Variants in KHDC1 observed in about 807,000 individuals in gnomAD.
KHDC1 encodes KH domain containing 1.
In KHDC1, 21 loss-of-function variants were observed where a neutral mutation model predicts 24.7. The ratio of observed to expected loss-of-function variants is 0.85; its 90% confidence interval spans 0.60 to 1.23. The LOEUF (loss-of-function observed/expected upper bound fraction) is 1.23, where lower values mean the gene tolerates loss of function less well. Among genes scored for constraint, KHDC1 ranks in the 50% most tolerant of loss-of-function variants. The probability of loss-of-function intolerance (pLI) is 0.00; values close to 1 mark genes in which losing one functional copy is unlikely to be tolerated. For synonymous variants in KHDC1, 98 were observed against 111.7 expected, an observed-to-expected ratio of 0.88 and a Z score of 0.77; for missense variants, 274 against 298.5, an observed-to-expected ratio of 0.92 and a Z score of 0.61.
At chr6:73,252,040 CTTT>C (rs112248383) in intron 2 of KHDC1, among the ~76,000 whole-genome samples, 2 of 132,740 alleles carry the variant, frequency 1.5e-5, no homozygotes, top group African/African-American at 5.5e-5. Context: ...TAAATCATAT[CTTT>C]TTTTTTTTTT....
intron 2 of KHDC1, among the ~76,000 whole-genome samples, chr6:73,245,995 G>A (rs765276916): frequency 6.6e-6 from 1 of 152,142 alleles, no homozygotes; most frequent in Admixed American, 6.5e-5. Flanking sequence ...CCGGGTTATT[G>A]GACTTTGAAT....
rs182066059 is a variant in KHDC1, at chr6:73,292,275, G to A, written c.164-235C>T. The A allele has an allele frequency of 5.5e-4, 695 of 1,258,368 alleles. 3 individuals carry two copies. The highest frequency in any genetic ancestry group is 2.3e-3 in the African/African-American group (155 of 68,156). 78.0% of individuals were successfully genotyped at this position (1,258,368 alleles called of 1,614,324 possible). A position where few individuals can be genotyped will look rare whatever the true frequency, so the allele number is the denominator to read the frequency against. On this transcript the variant is annotated intron_variant, in intron 1 of 4. Transcript: ENST00000370384. ...GATCCAGAAACGACAAGGCAAATGC[G>A]GTCAACCAGGGATGGTAGGATGCTC...
At chr6:73,266,542 A>G (rs2150581997) in intron 2 of KHDC1, among the ~76,000 whole-genome samples, 1 of 152,338 alleles carries the variant, frequency 6.6e-6, no homozygotes, top group Middle Eastern at 3.4e-3. Context: ...CAGTCTTTTC[A>G]AAAAATGGTA....
chr6:73,253,304 C>T (rs1022261140), intron 2 of KHDC1, among the ~76,000 whole-genome samples: 3 of 152,034 alleles, frequency 2.0e-5, no homozygotes, highest in Non-Finnish European at 2.9e-5. Context: ...GCCTGTAATC[C>T]CAGCACTTTG....
At chr6:73,285,425 G>A (rs1306849104) in intron 2 of KHDC1, among the ~76,000 whole-genome samples, 2 of 151,522 alleles carry the variant, frequency 1.3e-5, no homozygotes, top group Non-Finnish European at 2.9e-5. Context: ...TCTGCCTCCC[G>A]GGTTCAAGCA....
intron 2 of KHDC1, among the ~76,000 whole-genome samples, chr6:73,283,490 C>G (rs1468266412): frequency 6.6e-6 from 1 of 152,022 alleles, no homozygotes; most frequent in Non-Finnish European, 1.5e-5. Flanking sequence ...ATGCAAGTCT[C>G]AACTCCCGAC....
intron 1 of KHDC1, chr6:73,299,258 G>T (rs16883555): frequency 4.6e-5 from 7 of 152,406 alleles, no homozygotes; most frequent in Admixed American, 3.9e-4. Flanking sequence ...TTCAGGAGAA[G>T]AATCCCTGGC....
At chr6:73,263,370 G>T in intron 2 of KHDC1, 174 bp from the exon 1 acceptor site, 1 of 797,640 alleles carries the variant, frequency 1.3e-6, no homozygotes, top group Non-Finnish European at 1.5e-6. Context: ...CAGTGGCAAT[G>T]ACCCAGACCC....
intron 2 of KHDC1, among the ~76,000 whole-genome samples, chr6:73,249,239 C>T (rs1766732406): frequency 6.6e-6 from 1 of 151,996 alleles, no homozygotes; most frequent in Non-Finnish European, 1.5e-5. Context: ...TATGATCATG[C>T]CATTGCACTC....
intron 2 of KHDC1, among the ~76,000 whole-genome samples, chr6:73,254,750 C>T (rs1184513800): frequency 6.6e-6 from 1 of 152,006 alleles, no homozygotes; most frequent in Non-Finnish European, 1.5e-5. Context: ...TGCCTGTAAT[C>T]CCGGCACTTT....
chr6:73,247,083 T>A (rs1766681931), intron 2 of KHDC1, among the ~76,000 whole-genome samples: 1 of 152,018 alleles, frequency 6.6e-6, no homozygotes, highest in South Asian at 2.1e-4. Context: ...GTTCAAGCAA[T>A]TCTCCTGCCT....
chr6:73,276,218 G>A (rs1767295280), intron 2 of KHDC1: 2 of 152,002 alleles, frequency 1.3e-5, no homozygotes, highest in South Asian at 2.1e-4. Flanking sequence ...CTGGTGTGGC[G>A]GCTCAGGCCT....
chr6:73,288,791 A>G (rs1767568629), intron 2 of KHDC1, among the ~76,000 whole-genome samples: 1 of 127,518 alleles, frequency 7.8e-6, no homozygotes, highest in Non-Finnish European at 1.7e-5. Context: ...TAGTATAGTA[A>G]GACCCCCATC....
intron 1 of KHDC1, chr6:73,292,379 G>A (rs1391351909): frequency 1.3e-6 from 1 of 788,380 alleles, no homozygotes; most frequent in Non-Finnish European, 2.3e-6. Flanking sequence ...ATTCCAGTAT[G>A]AATGTGGGAA....
At chr6:73,288,635 C>A (rs1454550310) in intron 2 of KHDC1, among the ~76,000 whole-genome samples, 1 of 151,612 alleles carries the variant, frequency 6.6e-6, no homozygotes, top group African/African-American at 2.4e-5. Context: ...AAAAAGTTTT[C>A]TTTGAGCAGG....
rs986539761 is a variant in KHDC1 at position 73,242,557 on chromosome 6, GCAA to G, written c.207-30_207-28del. On this transcript the variant is annotated intron_variant, in intron 2 of 4. Coordinates refer to ENST00000370384, the Ensembl canonical transcript of KHDC1. ...TGATACAGAATAGGGCCAAGTCCAA[GCAA>G]CTGGTTGGCAAAAGACTTGGAAAAG... 7 of 1,613,630 alleles carry G rather than the reference GCAA, an allele frequency of 4.3e-6. No individual in the cohort carries two copies. The Admixed American group carries it at 1.2e-4, about 27-fold the overall frequency.
chr6:73,250,771 G>A (rs1426598659), intron 2 of KHDC1, among the ~76,000 whole-genome samples: 1 of 152,240 alleles, frequency 6.6e-6, no homozygotes, highest in East Asian at 1.9e-4. Flanking sequence ...AACCTGAAGA[G>A]TGAAAAGCAC....
chr6:73,287,064 A>G (rs1365501921), intron 2 of KHDC1, among the ~76,000 whole-genome samples: 3 of 152,170 alleles, frequency 2.0e-5, no homozygotes, highest in Admixed American at 2.0e-4. Flanking sequence ...AAAGGCTCGG[A>G]AAAGTGAGTA....
chr6:73,290,438 A>G (rs1309083441), intron 2 of KHDC1: 1 of 346,464 alleles, frequency 2.9e-6, no homozygotes, highest in Non-Finnish European at 5.6e-6. Flanking sequence ...GAAGTCACTT[A>G]GGTGACACTA....
Sources: gnomAD v4.1 joint callset for allele counts (sites outside exome capture counted in the v4.1 genomes callset) on GRCh38, gnomAD v4.1.1 for gene constraint, MANE v1.5 for transcripts, NCBI Gene and HGNC (gene_info 2026-07-23, HGNC 2026-07-21) for gene names.